The following CNTNAP3B variants were observed in gnomAD, a reference collection of about 807,000 sequenced individuals.
The protein encoded by CNTNAP3B is contactin associated protein family member 3B, also known as contactin-associated protein-like 3B.
In CNTNAP3B, 25 loss-of-function variants were observed where a neutral mutation model predicts 108.9. The ratio of observed to expected loss-of-function variants is 0.23; its 90% confidence interval spans 0.17 to 0.32. The LOEUF is 0.32. CNTNAP3B is among the 10% of genes least tolerant of loss of function. CNTNAP3B has a pLI of 1.00. For missense variants in CNTNAP3B, 252 were observed against 1,210.4 expected (o/e 0.21, Z 11.75); for synonymous variants, 103 against 473.4 (o/e 0.22, Z 10.16).
At chr9:41,968,800 A>AC (rs1224454149) in intron 10 of CNTNAP3B, among the ~76,000 whole-genome samples, 1 of 114,598 alleles carries the variant, frequency 8.7e-6, no homozygotes, top group Non-Finnish European at 1.8e-5. Context: ...TGCAGATATA[A>AC]CTTTTTTTTT....
chr9:41,921,889 C>T lies in CNTNAP3B; in HGVS notation c.2755+788G>A, dbSNP rs1048346181. Among the ~76,000 whole-genome samples the T allele has an allele frequency of 6.8e-5, 10 of 148,056 alleles. No homozygotes were observed. The East Asian group carries it at 7.8e-4, about 12-fold the overall frequency. Reference sequence around the variant, plus strand: ...CTGCTTCCAATCAGCGGGTATCCTGCGATCTGGTTTTGAGTGGACCCTGGA... The same window carrying T: ...CTGCTTCCAATCAGCGGGTATCCTGTGATCTGGTTTTGAGTGGACCCTGGA... On this transcript the variant is annotated intron_variant, in intron 17 of 23. Coordinates refer to ENST00000377561, the MANE Select transcript of CNTNAP3B (RefSeq NM_001201380.3).
At position 41,953,290 on chromosome 9, in the gene CNTNAP3B, G is replaced by T. The variant is rs757036634; in HGVS notation, c.1973C>A (p.Ala658Glu). 9 of 1,530,568 alleles carry T rather than the reference G, an allele frequency of 5.9e-6. No homozygotes were observed. The highest frequency in any genetic ancestry group is 7.8e-6 in the Non-Finnish European group (9 of 1,147,376). 94.8% of individuals were successfully genotyped at this position (1,530,568 alleles called of 1,614,324 possible). The stretch of plus-strand genomic sequence containing the variant: ...CAGCTGCCCCGCGCCCGCTGCGTAC[G>T]CGAAGGACACAGCCGAGAGCGGGTG... Reference protein sequence around the residue: ...SGHPLSAVSFAYAAGAGQLRA... With the variant: ...SGHPLSAVSFEYAAGAGQLRA... Residue 658 changes from alanine to glutamate, a missense_variant, in exon 13 of 24, where the codon GCG becomes GAG. By Grantham distance (107) the Ala-to-Glu change is moderately radical. Coordinates refer to ENST00000377561, the MANE Select transcript of CNTNAP3B (RefSeq NM_001201380.3).
In CNTNAP3B at chr9:42,110,316, T is replaced by C. The variant is rs1022986777; in HGVS notation, c.86-5577A>G. ...GCCAGGCTGTGGCTCTCCCCATGCT[T>C]GCGGCTGCACTTGCTCCTCACTGTG... On this transcript the variant is annotated intron_variant, in intron 1 of 23. Coordinates refer to ENST00000377561, the MANE Select transcript of CNTNAP3B (RefSeq NM_001201380.3). Among the ~76,000 whole-genome samples the C allele has an allele frequency of 2.2e-5, 3 of 137,056 alleles. No homozygotes were observed. The Admixed American group carries it at 2.2e-4, about 10-fold the overall frequency. The allele number at this position is 137,056 out of a possible 152,430, so 89.9% of individuals were successfully genotyped here. A position where few individuals can be genotyped will look rare whatever the true frequency, so the allele number is the denominator to read the frequency against.
chr9:42,035,412 A>G (rs1465433014), intron 3 of CNTNAP3B, among the ~76,000 whole-genome samples: 2 of 146,164 alleles, frequency 1.4e-5, no homozygotes. Flanking sequence ...TCTCACCCAG[A>G]TCTGCCTAAC....
intron 1 of CNTNAP3B, among the ~76,000 whole-genome samples, chr9:42,120,747 T>C (rs1332941770): frequency 8.1e-6 from 1 of 122,720 alleles, no homozygotes; most frequent in Non-Finnish European, 1.6e-5. Context: ...CCGCATGTTC[T>C]CACTCATAGG....
chr9:41,940,882 G>A (rs2118081598), intron 13 of CNTNAP3B, among the ~76,000 whole-genome samples: 2 of 152,402 alleles, frequency 1.3e-5, no homozygotes, highest in South Asian at 4.1e-4. Context: ...GTCGCTAGCA[G>A]ACATTCCCTA....
rs1828089649 is a variant in CNTNAP3B at position 42,106,362 on chromosome 9, A to T, written c.86-1623T>A. Among the ~76,000 whole-genome samples, 2 of 82,556 alleles carry T rather than the reference A, an allele frequency of 2.4e-5. 1 individual carries two copies. The allele number at this position is 82,556 out of a possible 152,430, so 54.2% of individuals were successfully genotyped here. Reference sequence around the variant, plus strand: ...TCACATTTATACAGGTGAGTCAGACACTGGAATTTGTGATTTTTTTACATA... The same window carrying T: ...TCACATTTATACAGGTGAGTCAGACTCTGGAATTTGTGATTTTTTTACATA... On this transcript the variant is annotated intron_variant, in intron 1 of 23. Coordinates refer to ENST00000377561, the MANE Select transcript of CNTNAP3B (RefSeq NM_001201380.3).
chr9:41,920,884 G>A (rs1823648597), intron 17 of CNTNAP3B, among the ~76,000 whole-genome samples: 1 of 152,306 alleles, frequency 6.6e-6, no homozygotes, highest in East Asian at 1.9e-4. Flanking sequence ...TCCTCTCAGA[G>A]GGTACAGTGC....
intron 14 of CNTNAP3B, among the ~76,000 whole-genome samples, chr9:41,937,109 A>T (rs1389476025): frequency 1.1e-3 from 48 of 42,782 alleles, no homozygotes; most frequent in South Asian, 3.2e-3. Flanking sequence ...TTTTTTATTT[A>T]TTAATTTATT....
chr9:41,943,900 T>C (rs1408210937), intron 13 of CNTNAP3B, among the ~76,000 whole-genome samples: 1 of 152,254 alleles, frequency 6.6e-6, no homozygotes, highest in African/African-American at 2.4e-5. Flanking sequence ...TTTCTTAAAA[T>C]TAAAATAAAA....
At chr9:42,117,399 A>G (rs1389271463) in intron 1 of CNTNAP3B, among the ~76,000 whole-genome samples, 3 of 136,418 alleles carry the variant, frequency 2.2e-5, no homozygotes, top group Non-Finnish European at 4.7e-5. Context: ...CTACATGGAA[A>G]CTGAACAACC....
At chr9:41,935,996 T>G (rs1285715585) in intron 14 of CNTNAP3B, among the ~76,000 whole-genome samples, 1 of 152,264 alleles carries the variant, frequency 6.6e-6, no homozygotes, top group African/African-American at 2.4e-5. Context: ...GATACGTTCC[T>G]CTGGTTACTG....
At position 41,995,730 on chromosome 9, in the gene CNTNAP3B, CAA is replaced by C. The variant is rs1167589988; in HGVS notation, c.1071+473_1071+474del. 1.6e-3 allele frequency among the ~76,000 whole-genome samples: 103 copies of C among 66,370 alleles called. 6 individuals carry two copies. Among genetic ancestry groups the C allele is most frequent in the East Asian group, 3.8e-3 (8 of 2,108 alleles). 43.5% of individuals were successfully genotyped at this position (66,370 alleles called of 152,430 possible). On this transcript the variant is annotated intron_variant, in intron 7 of 23. Transcript: ENST00000377561. ...TGGGTGACAGAGTGAGACTCCGTCT[CAA>C]AAAAAAAAAAAAAAAAAAATTGGCC...
intron 12 of CNTNAP3B, among the ~76,000 whole-genome samples, chr9:41,955,063 G>A (rs1009539149): frequency 6.6e-6 from 1 of 150,816 alleles, no homozygotes; most frequent in African/African-American, 2.4e-5. Flanking sequence ...CCTATCAACT[G>A]AATCAAATAT....
rs1342374203 is a variant in CNTNAP3B, at chr9:42,116,898, T to C, written c.85+12112A>G. On this transcript the variant is annotated intron_variant, in intron 1 of 23. Coordinates refer to ENST00000377561, the MANE Select transcript of CNTNAP3B (RefSeq NM_001201380.3). ...TCCTAGTCTCTGATAAAACAGACTT[T>C]AAACCAACAAAGATCAAAAGAGACA... Among the ~76,000 whole-genome samples the C allele has an allele frequency of 1.5e-5, 2 of 137,926 alleles. 1 individual carries two copies. The highest frequency in any genetic ancestry group is 4.4e-4 in the East Asian group (2 of 4,562). 90.5% of individuals were successfully genotyped at this position (137,926 alleles called of 152,430 possible). A position where few individuals can be genotyped will look rare whatever the true frequency, so the allele number is the denominator to read the frequency against.
chr9:41,966,791 C>A (rs1227787353), intron 10 of CNTNAP3B, among the ~76,000 whole-genome samples: 1 of 151,388 alleles, frequency 6.6e-6, no homozygotes, highest in Non-Finnish European at 1.5e-5. Context: ...CACGGTGAAA[C>A]CCCGTCTTTA....
At chr9:41,957,898 C>T (rs1414930126) in intron 12 of CNTNAP3B, among the ~76,000 whole-genome samples, 1 of 151,966 alleles carries the variant, frequency 6.6e-6, no homozygotes, top group Non-Finnish European at 1.5e-5. Context: ...GTAGCTGGGA[C>T]TACAGGCACC....
intron 2 of CNTNAP3B, among the ~76,000 whole-genome samples, chr9:42,089,587 T>G (rs1475583031): frequency 6.8e-6 from 1 of 147,010 alleles, no homozygotes; most frequent in South Asian, 2.2e-4. Flanking sequence ...ATAAATATCT[T>G]GATATTGAAA....
chr9:42,079,749 T>C (rs1251314203), intron 2 of CNTNAP3B, among the ~76,000 whole-genome samples: 8 of 138,304 alleles, frequency 5.8e-5, no homozygotes, highest in African/African-American at 2.3e-4. Context: ...CTTGGTCTCC[T>C]GACCTAGTGA....
Sources: allele counts gnomAD v4.1 joint callset (sites outside exome capture counted in the v4.1 genomes callset), GRCh38; gene constraint gnomAD v4.1.1; transcripts MANE v1.5; gene names NCBI Gene and HGNC (gene_info 2026-07-23, HGNC 2026-07-21).